Variants in XRRA1 observed in about 807,000 individuals in gnomAD.
XRRA1 encodes the protein X-ray radiation resistance-associated protein 1.
A neutral mutation model predicts 80.2 loss-of-function variants in XRRA1; 69 were observed. The observed-to-expected ratio is 0.86, with a 90% CI of 0.71 to 1.05. The LOEUF (loss-of-function observed/expected upper bound fraction) is 1.05, where lower values mean the gene tolerates loss of function less well. Among genes scored for constraint, XRRA1 ranks in the 50% least tolerant of loss-of-function variants. The pLI, the probability that XRRA1 is intolerant of heterozygous loss-of-function variation, is 0.00. For missense variants in XRRA1, 967 were observed against 976.4 expected, an observed-to-expected ratio of 0.99 and a Z score of 0.13; for synonymous variants, 348 against 389.9, an observed-to-expected ratio of 0.89 and a Z score of 1.27.
chr11:74,865,401 C>G (rs1044412697), intron 10 of XRRA1, among the ~76,000 whole-genome samples: 1 of 152,250 alleles, frequency 6.6e-6, no homozygotes. Flanking sequence ...TCTCTAGCCT[C>G]TGTTCCACAG....
At chr11:74,854,156 G>T (rs1310398371) in intron 12 of XRRA1, among the ~76,000 whole-genome samples, 1 of 152,132 alleles carries the variant, frequency 6.6e-6, no homozygotes, top group Non-Finnish European at 1.5e-5. Context: ...GTGTATGTTG[G>T]CGGTACTTTT....
chr11:74,933,720 T>A, intron 5 of XRRA1, 81 bp downstream of exon 5: 1 of 1,312,998 alleles, frequency 7.6e-7, no homozygotes, highest in Non-Finnish European at 1.1e-6. Flanking sequence ...ACTCTGGAGG[T>A]GCAAGAGACA....
chr11:74,919,774 A>G, intron 8 of XRRA1: 1 of 445,236 alleles, frequency 2.2e-6, no homozygotes. Flanking sequence ...CTAGATGTGC[A>G]CAACTGATAC....
At chr11:74,924,090 T>A (rs1941609955) in intron 7 of XRRA1, among the ~76,000 whole-genome samples, 1 of 151,698 alleles carries the variant, frequency 6.6e-6, no homozygotes, top group Non-Finnish European at 1.5e-5. Context: ...GATCCTCCCA[T>A]CCTGGCCTCC....
intron 10 of XRRA1, among the ~76,000 whole-genome samples, chr11:74,872,841 T>C (rs1304790720): frequency 6.6e-6 from 1 of 152,150 alleles, no homozygotes; most frequent in East Asian, 1.9e-4. Flanking sequence ...GGAACCAGCA[T>C]CCCTCTTCTC....
intron 2 of XRRA1, among the ~76,000 whole-genome samples, chr11:74,944,318 A>C (rs1311636329): frequency 6.6e-6 from 1 of 152,154 alleles, no homozygotes; most frequent in African/African-American, 2.4e-5. Flanking sequence ...ATATGATGGC[A>C]CTCCTAGGAC....
At chr11:74,934,064 C>T (rs1288342907) in intron 4 of XRRA1, among the ~76,000 whole-genome samples, 192 bp from the exon 5 acceptor site, 1 of 152,136 alleles carries the variant, frequency 6.6e-6, no homozygotes, top group African/African-American at 2.4e-5. Context: ...TAAATTGGGC[C>T]ATACGCTTTG....
chr11:74,846,545 A>T (rs566780192), intron 15 of XRRA1, among the ~76,000 whole-genome samples: 2 of 152,370 alleles, frequency 1.3e-5, no homozygotes, highest in Non-Finnish European at 2.9e-5. Flanking sequence ...AAAAAATATT[A>T]GCAAACTGAA....
Position 74,937,111 on chromosome 11 carries a change from G to C in XRRA1, c.95-43C>G, listed in dbSNP as rs753735228. 4 of 1,578,592 alleles carry C rather than the reference G, an allele frequency of 2.5e-6. No homozygotes were observed. In the African/African-American group the frequency reaches 5.5e-5, roughly 22 times the overall value. ...ACAGTGAAAAGGGGAAAACTCCAAA[G>C]CTACAACGAGTGCAGTTATAGACTT... On this transcript the variant is annotated intron_variant, in intron 3 of 18. Transcript: ENST00000684022.
At position 74,941,287 on chromosome 11, in the gene XRRA1, G is replaced by A. The variant is rs945857381; in HGVS notation, c.-4-405C>T. ...ACAAGAGGATCAAGTGAGAAAGACA[G>A]TGCCTAATACATATTAAGTCTGTGC... On this transcript the variant is annotated intron_variant, in intron 2 of 18. Transcript: ENST00000684022. Among the ~76,000 whole-genome samples the A allele has an allele frequency of 1.2e-4, 18 of 152,322 alleles. 1 individual carries two copies. The highest frequency in any genetic ancestry group is 1.0e-3 in the Admixed American group (16 of 15,298).
At chr11:74,944,815 G>A (rs1947170910) in intron 2 of XRRA1, among the ~76,000 whole-genome samples, 1 of 152,186 alleles carries the variant, frequency 6.6e-6, no homozygotes. Flanking sequence ...CAGTCAATAT[G>A]TCTTTCAGGA....
chr11:74,922,907 C>T (rs1160227482), intron 7 of XRRA1, among the ~76,000 whole-genome samples: 1 of 152,198 alleles, frequency 6.6e-6, no homozygotes. Flanking sequence ...TCATCATCAT[C>T]ATCATCATTT....
chr11:74,878,491 G>T (rs373839730), intron 10 of XRRA1, among the ~76,000 whole-genome samples: 3 of 152,116 alleles, frequency 2.0e-5, no homozygotes, highest in Non-Finnish European at 2.9e-5. Context: ...GTCAGTTTTG[G>T]CTTTTGTTGC....
At chr11:74,847,206 T>C (rs917763712) in intron 15 of XRRA1, among the ~76,000 whole-genome samples, 3 of 152,234 alleles carry the variant, frequency 2.0e-5, no homozygotes, top group East Asian at 3.8e-4. Context: ...ACTGTATAAA[T>C]TTATATGTCA....
chr11:74,916,025 CAAG>C (rs1256381565), intron 8 of XRRA1, among the ~76,000 whole-genome samples: 1 of 152,060 alleles, frequency 6.6e-6, no homozygotes, highest in Non-Finnish European at 1.5e-5. Context: ...AAGTTTCTGA[CAAG>C]AAGTCTGCTG....
intron 10 of XRRA1, among the ~76,000 whole-genome samples, chr11:74,891,737 A>G (rs2050760917): frequency 6.6e-6 from 1 of 152,200 alleles, no homozygotes; most frequent in South Asian, 2.1e-4. Context: ...TGCAAAAATC[A>G]CAAGCATTCT....
Position 74,848,377 on chromosome 11 carries a change from T to G in XRRA1, c.1466A>C (p.Asp489Ala). The stretch of plus-strand genomic sequence containing the variant: ...CAGCTCTGCCTCTGGCTCTAGCATA[T>G]CCTTTGAGGGAGACTTGGTTGTCGT... ...RMTTTKSPSK[D>A]MLEPEAELAE... The change falls in exon 15 of 19, where the codon GAT becomes GCT. Residue 489 changes from aspartate (D) to alanine (A), a missense_variant. Asp to Ala is a moderately radical substitution (Grantham distance 126). Transcript: ENST00000684022. The G allele has an allele frequency of 6.2e-7, 1 of 1,613,902 alleles. No homozygotes were observed. The highest frequency in any genetic ancestry group is 1.1e-5 in the South Asian group (1 of 91,064).
In XRRA1 at chr11:74,848,091, G is replaced by A. The variant is rs747284445; in HGVS notation, c.1728+24C>T. 9.4e-6 allele frequency: 15 copies of A among 1,587,382 alleles called. No homozygotes were observed. The South Asian group carries it at 1.4e-4, about 15-fold the overall frequency. On this transcript the variant is annotated intron_variant, in intron 15 of 18. Transcript: ENST00000684022. ...ACCTGTGGGAGCTAGCAACAAGTGG[G>A]CAGGGGCAGCTGGATACAGGTACCT...
At chr11:74,900,075 G>C (rs2053265342) in intron 10 of XRRA1, among the ~76,000 whole-genome samples, 1 of 151,870 alleles carries the variant, frequency 6.6e-6, no homozygotes, top group South Asian at 2.1e-4. Flanking sequence ...TGAGGCAGGA[G>C]AATCTCTTGA....
Sources: allele counts gnomAD v4.1 joint callset (sites outside exome capture counted in the v4.1 genomes callset), GRCh38; gene constraint gnomAD v4.1.1; transcripts MANE v1.5; gene names NCBI Gene and HGNC (gene_info 2026-07-23, HGNC 2026-07-21).